Variants in ANK3 observed in about 807,000 individuals in gnomAD.
ANK3 encodes ankyrin-3.
Under a neutral mutation model 370.9 loss-of-function variants are expected in ANK3, and 57 were observed. The observed-to-expected ratio is 0.15, with a 90% CI of 0.12 to 0.19. The LOEUF (loss-of-function observed/expected upper bound fraction) is 0.19. Among genes scored for constraint, ANK3 ranks in the 10% least tolerant of loss-of-function variants. The pLI is 1.00. For missense variants in ANK3, 4,439 were observed against 5,302.1 expected (o/e 0.84, Z 5.06); for synonymous variants, 1,929 against 1,946.3 (o/e 0.99, Z 0.23).
In ANK3 at chr10:60,268,338, G is replaced by C. The variant is rs118092661; in HGVS notation, c.513+1793C>G. On this transcript the variant is annotated intron_variant, in intron 5 of 43. Coordinates refer to ENST00000280772, the MANE Select transcript of ANK3 (RefSeq NM_020987.5). ...CCCAACAGTACTGATGGGTACAAAG[G>C]CTCCCTCCGAATTCTCAGGGCAAAC... Among the ~76,000 whole-genome samples, 221 of 152,164 alleles carry C rather than the reference G, an allele frequency of 1.5e-3. 2 individuals are homozygous for C. The highest frequency in any genetic ancestry group is 2.4e-3 in the Non-Finnish European group (162 of 68,008).
intron 25 of ANK3, among the ~76,000 whole-genome samples, chr10:60,117,317 G>T (rs753678403): frequency 2.6e-5 from 4 of 152,174 alleles, no homozygotes; most frequent in Non-Finnish European, 5.9e-5. Flanking sequence ...ACATCTGTGT[G>T]CAGTGGACCT....
chr10:60,468,268 G>C (rs979679684), intron 2 of ANK3, among the ~76,000 whole-genome samples: 1 of 152,214 alleles, frequency 6.6e-6, no homozygotes, highest in East Asian at 1.9e-4. Flanking sequence ...ACAGGCAGGA[G>C]CCACCGTGCC....
chr10:60,471,250 A>G (rs1355504828), intron 2 of ANK3, among the ~76,000 whole-genome samples: 2 of 152,204 alleles, frequency 1.3e-5, no homozygotes, highest in Non-Finnish European at 2.9e-5. Flanking sequence ...CAAAGCCAAG[A>G]GTTCTTGCGC....
chr10:60,312,019 T>C (rs1342544763), intron 1 of ANK3, among the ~76,000 whole-genome samples: 1 of 152,194 alleles, frequency 6.6e-6, no homozygotes, highest in East Asian at 1.9e-4. Flanking sequence ...AGGAACATAG[T>C]AGATGCTCAA....
chr10:60,624,699 A>G (rs2078384395), intron 1 of ANK3, among the ~76,000 whole-genome samples: 1 of 150,822 alleles, frequency 6.6e-6, no homozygotes, highest in Non-Finnish European at 1.5e-5. Context: ...CCTCCGCAAC[A>G]GTGCATGAGA....
At chr10:60,357,033 G>C (rs1397765343) in intron 1 of ANK3, among the ~76,000 whole-genome samples, 2 of 152,142 alleles carry the variant, frequency 1.3e-5, no homozygotes, top group African/African-American at 4.8e-5. Flanking sequence ...TATGTTTTCT[G>C]ATCACCCTAC....
chr10:60,196,438 T>C, intron 15 of ANK3, 89 bp downstream of exon 15: 1 of 1,001,906 alleles, frequency 1.0e-6, no homozygotes, highest in Admixed American at 2.3e-5. Flanking sequence ...TATTTAGTTA[T>C]AATTTGAGTG....
chr10:60,210,937 C>T (rs927367082), intron 9 of ANK3, among the ~76,000 whole-genome samples: 1 of 152,040 alleles, frequency 6.6e-6, no homozygotes, highest in Non-Finnish European at 1.5e-5. Flanking sequence ...TGCTGTAAAT[C>T]CCCCCACAAT....
At chr10:60,472,619 A>T (rs1403333324) in intron 2 of ANK3, among the ~76,000 whole-genome samples, 2 of 152,210 alleles carry the variant, frequency 1.3e-5, no homozygotes, top group Non-Finnish European at 2.9e-5. Flanking sequence ...AACTTATCAG[A>T]ACAATGAATT....
chr10:60,210,943 A>C (rs1224373787), intron 9 of ANK3, among the ~76,000 whole-genome samples: 1 of 152,064 alleles, frequency 6.6e-6, no homozygotes, highest in African/African-American at 2.4e-5. Context: ...AAATCCCCCC[A>C]CAATAACCCA....
chr10:60,180,826 T>A (rs1591370429), intron 18 of ANK3, among the ~76,000 whole-genome samples: 1 of 151,994 alleles, frequency 6.6e-6, no homozygotes, highest in Admixed American at 6.6e-5. Flanking sequence ...CTTTTTGAAA[T>A]GAGAGCTTTC....
intron 16 of ANK3, among the ~76,000 whole-genome samples, chr10:60,188,521 A>G (rs1323179990): frequency 1.3e-5 from 2 of 152,196 alleles, no homozygotes; most frequent in Non-Finnish European, 2.9e-5. Context: ...ATCAGTCACA[A>G]TCTTTTTGAG....
intron 42 of ANK3, chr10:60,043,849 T>C (rs1589167824): frequency 1.0e-6 from 1 of 981,992 alleles, no homozygotes; most frequent in African/African-American, 1.8e-5. Context: ...ATAAATGACC[T>C]TATCTTTGTG....
intron 2 of ANK3, among the ~76,000 whole-genome samples, chr10:60,492,286 T>A (rs1471736512): frequency 6.6e-6 from 1 of 152,200 alleles, no homozygotes. Flanking sequence ...ACCATCACCA[T>A]CACCATGATT....
chr10:60,638,471 C>G (rs2078585135), intron 1 of ANK3, among the ~76,000 whole-genome samples: 1 of 152,024 alleles, frequency 6.6e-6, no homozygotes, highest in African/African-American at 2.4e-5. Flanking sequence ...CAAAATCCAG[C>G]ATTCAACAAT....
At chr10:60,715,059 G>C (rs754154134) in intron 1 of ANK3, among the ~76,000 whole-genome samples, 20 of 152,058 alleles carry the variant, frequency 1.3e-4, no homozygotes, top group Non-Finnish European at 2.5e-4. Flanking sequence ...GTTATTAACA[G>C]GGGAAACCAT....
chr10:60,391,700 C>T (rs1430907871), upstream of ANK3, among the ~76,000 whole-genome samples: 7 of 152,166 alleles, frequency 4.6e-5, no homozygotes, highest in Admixed American at 2.6e-4. Context: ...GTAACTTCTC[C>T]GTCTGAGGCT....
chr10:60,288,049 A>C (rs1326152667), intron 1 of ANK3, among the ~76,000 whole-genome samples: 2 of 152,196 alleles, frequency 1.3e-5, no homozygotes, highest in Non-Finnish European at 2.9e-5. Context: ...ACATGAATCA[A>C]CACTAATCTT....
At position 60,556,818 on chromosome 10, in the gene ANK3, C is replaced by A. The variant is rs191391932; in HGVS notation, c.96+58368G>T. 6.6e-5 allele frequency among the ~76,000 whole-genome samples: 10 copies of A among 152,294 alleles called. No homozygotes were observed. In the East Asian group the frequency reaches 1.9e-3, roughly 29 times the overall value. On this transcript the variant is annotated intron_variant, in intron 2 of 43. Transcript: ENST00000373827. Reference sequence around the variant, plus strand: ...GCCATGGACTGGCACTGGTCTGTGGCCTGTTAGGAACTGGGTCACACAGCA... The same window carrying A: ...GCCATGGACTGGCACTGGTCTGTGGACTGTTAGGAACTGGGTCACACAGCA...
Sources: allele counts gnomAD v4.1 joint callset (sites outside exome capture counted in the v4.1 genomes callset), GRCh38; gene constraint gnomAD v4.1.1; transcripts MANE v1.5; gene names NCBI Gene and HGNC (gene_info 2026-07-23, HGNC 2026-07-21).